Variants in PARM1 observed in about 807,000 individuals in gnomAD.
PARM1 encodes the protein prostate androgen-regulated mucin-like protein 1.
In PARM1, 14 loss-of-function variants were observed where a neutral mutation model predicts 24.6. The observed-to-expected ratio is 0.57, with a 90% CI of 0.38 to 0.89. The LOEUF (loss-of-function observed/expected upper bound fraction) is 0.89. PARM1 is among the 40% of genes least tolerant of loss of function. The probability of loss-of-function intolerance (pLI) is 0.00; values close to 1 mark genes in which losing one functional copy is unlikely to be tolerated. For missense variants in PARM1, 362 were observed against 380.4 expected, an observed-to-expected ratio of 0.95 and a Z score of 0.40; for synonymous variants, 179 against 156.6, an observed-to-expected ratio of 1.14 and a Z score of -1.07.
At chr4:74,960,934 G>A (rs1006963262) in intron 1 of PARM1, among the ~76,000 whole-genome samples, 1 of 151,702 alleles carries the variant, frequency 6.6e-6, no homozygotes. Context: ...GAACCCGGGA[G>A]GCGGAGCTTG....
intron 1 of PARM1, among the ~76,000 whole-genome samples, chr4:74,949,947 T>C (rs1221572542): frequency 2.0e-5 from 3 of 152,170 alleles, no homozygotes; most frequent in Non-Finnish European, 2.9e-5. Context: ...ATACTTTTTT[T>C]CCTTTCATCT....
intron 1 of PARM1, among the ~76,000 whole-genome samples, chr4:74,977,207 T>C (rs1186141682): frequency 3.9e-5 from 6 of 152,132 alleles, no homozygotes; most frequent in African/African-American, 1.4e-4. Flanking sequence ...AAGCTAAGAA[T>C]CATGATAAAA....
Position 75,047,504 on chromosome 4 carries a change from T to G in PARM1, c.*1257T>G, listed in dbSNP as rs1723630145. ...AGGTATCTGTGTATTGCAATCATTC[T>G]CAACCAGGAGGTGATTTTGCCCCCT... On this transcript the variant is annotated 3_prime_UTR_variant, in exon 4 of 4. Coordinates refer to ENST00000307428, the MANE Select transcript of PARM1 (RefSeq NM_015393.4). The G allele has an allele frequency of 6.6e-6, 1 of 152,254 alleles. No homozygotes were observed. The highest frequency in any genetic ancestry group is 1.5e-5 in the Non-Finnish European group (1 of 68,054). The allele number at this position is 152,254 out of a possible 1,614,324, so 9.4% of individuals were successfully genotyped here. A position where few individuals can be genotyped will look rare whatever the true frequency, so the allele number is the denominator to read the frequency against.
chr4:75,041,665 T>C (rs1413107285), intron 3 of PARM1, among the ~76,000 whole-genome samples: 1 of 152,178 alleles, frequency 6.6e-6, no homozygotes, highest in African/African-American at 2.4e-5. Flanking sequence ...ATAGGTACCA[T>C]TTTGCAGTGT....
chr4:74,961,663 A>C (rs1217858907), intron 1 of PARM1, among the ~76,000 whole-genome samples: 1 of 152,246 alleles, frequency 6.6e-6, no homozygotes, highest in African/African-American at 2.4e-5. Flanking sequence ...TGATATATAC[A>C]AAGTGCTGAA....
chr4:75,037,349 C>A lies in PARM1; in HGVS notation c.848+3388C>A, dbSNP rs368651284. Among the ~76,000 whole-genome samples the A allele has an allele frequency of 3.9e-5, 6 of 152,338 alleles. No homozygotes were observed. In the South Asian group the frequency reaches 8.3e-4, roughly 21 times the overall value. ...GATATGGCCCTGGCCCAGCCAAGTT[C>A]TCTGCAAATGCAAGGGGAGAATCTG... On this transcript the variant is annotated intron_variant, in intron 3 of 3. Coordinates refer to ENST00000307428, the MANE Select transcript of PARM1 (RefSeq NM_015393.4).
chr4:74,944,636 C>G (rs1438296959), intron 1 of PARM1, among the ~76,000 whole-genome samples: 2 of 152,114 alleles, frequency 1.3e-5, no homozygotes, highest in Non-Finnish European at 2.9e-5. Flanking sequence ...TGCACATCAG[C>G]AAGAGTAGGC....
chr4:74,939,071 T>C (rs1721249882), intron 1 of PARM1, among the ~76,000 whole-genome samples: 2 of 152,222 alleles, frequency 1.3e-5, no homozygotes, highest in African/African-American at 4.8e-5. Context: ...AAATCTTTCT[T>C]TGTTGTTTAT....
chr4:75,038,579 G>A (rs1185418952), intron 3 of PARM1, among the ~76,000 whole-genome samples: 1 of 152,290 alleles, frequency 6.6e-6, no homozygotes, highest in Non-Finnish European at 1.5e-5. Context: ...TGATATGGCG[G>A]TCTTCCATGT....
chr4:75,033,848 T>C (rs1285211493), intron 2 of PARM1, 35 bp from the exon 3 acceptor site: 1 of 1,552,816 alleles, frequency 6.4e-7, no homozygotes, highest in Non-Finnish European at 8.8e-7. Flanking sequence ...CGTATCCTCA[T>C]GTATCTTCTT....
Position 75,033,926 on chromosome 4 carries a change from G to T in PARM1, c.813G>T (p.Leu271=). The T allele has an allele frequency of 6.2e-7, 1 of 1,604,092 alleles. No homozygotes were observed. Among genetic ancestry groups the T allele is most frequent in the Non-Finnish European group, 8.5e-7 (1 of 1,175,238 alleles). ...CCGTGACAGTCATTGCCGTGGTGCT[G>T]CTGGTGTTTGGAGTTGCAGCCTACC... The part of the protein sequence containing the change: ...AITVTVIAVV[L]LVFGVAAYLK... Residue 271 remains leucine (L), a synonymous_variant, in exon 3 of 4, where the codon CTG becomes CTT. Transcript: ENST00000307428.
intron 2 of PARM1, among the ~76,000 whole-genome samples, chr4:75,025,669 TGAAG>T (rs1406935852): frequency 1.3e-5 from 2 of 151,828 alleles, no homozygotes; most frequent in Non-Finnish European, 2.9e-5. Flanking sequence ...GAGAGAGAAA[TGAAG>T]GAAGAGGAAA....
intron 2 of PARM1, among the ~76,000 whole-genome samples, chr4:75,032,052 A>G (rs1185135085): frequency 6.6e-6 from 1 of 152,212 alleles, no homozygotes; most frequent in African/African-American, 2.4e-5. Flanking sequence ...CAGTCTGCAC[A>G]TTTGAGCATT....
intron 1 of PARM1, among the ~76,000 whole-genome samples, chr4:74,950,862 G>T (rs1721509131): frequency 6.7e-6 from 1 of 150,014 alleles, no homozygotes. Context: ...TTTTTACATG[G>T]AGATGGCATT....
chr4:75,047,635 C>T lies in PARM1; in HGVS notation c.*1388C>T, dbSNP rs766484673. The T allele has an allele frequency of 2.0e-5, 3 of 152,206 alleles. No homozygotes were observed. Among genetic ancestry groups the T allele is most frequent in the Non-Finnish European group, 2.9e-5 (2 of 68,054 alleles). 9.4% of individuals were successfully genotyped at this position (152,206 alleles called of 1,614,324 possible). On this transcript the variant is annotated 3_prime_UTR_variant, in exon 4 of 4. Transcript: ENST00000307428. Reference sequence around the variant, plus strand: ...ATGCTGCCAAACATTCTACCATGCACAGCACAACCTACAACAGCAAAGAAT... The same window carrying T: ...ATGCTGCCAAACATTCTACCATGCATAGCACAACCTACAACAGCAAAGAAT...
chr4:74,963,184 A>T (rs149822571), intron 1 of PARM1, among the ~76,000 whole-genome samples: 41 of 152,334 alleles, frequency 2.7e-4, no homozygotes, highest in African/African-American at 9.6e-4. Context: ...TTTCCTTTAT[A>T]AATTACCCAG....
chr4:74,970,551 T>C (rs912283008), intron 1 of PARM1, among the ~76,000 whole-genome samples: 2 of 152,226 alleles, frequency 1.3e-5, no homozygotes, highest in African/African-American at 4.8e-5. Flanking sequence ...CTCTCCCATA[T>C]TCCAGTAAGT....
chr4:75,004,033 G>A (rs1722728017), intron 1 of PARM1, among the ~76,000 whole-genome samples: 1 of 152,174 alleles, frequency 6.6e-6, no homozygotes, highest in South Asian at 2.1e-4. Flanking sequence ...AATCCCTGCA[G>A]TCTCCAAAGT....
rs961761857 is a variant in PARM1 at position 74,967,630 on chromosome 4, T to G, written c.43+34260T>G. ...GTTTTGTTTCAGTTCCAAAAAAAAT[T>G]TTCATAGGCAAACGCATTCTGACTC... On this transcript the variant is annotated intron_variant, in intron 1 of 3. Coordinates refer to ENST00000307428, the MANE Select transcript of PARM1 (RefSeq NM_015393.4). 2.6e-5 allele frequency: 4 copies of G among 152,148 alleles called. No individual in the cohort carries two copies. In the East Asian group the frequency reaches 7.7e-4, roughly 29 times the overall value. The allele number at this position is 152,148 out of a possible 1,614,324, so 9.4% of individuals were successfully genotyped here.
Sources: gnomAD v4.1 joint callset for allele counts (sites outside exome capture counted in the v4.1 genomes callset) on GRCh38, gnomAD v4.1.1 for gene constraint, MANE v1.5 for transcripts, NCBI Gene and HGNC (gene_info 2026-07-23, HGNC 2026-07-21) for gene names.